VPS36: variants seen among roughly 807,000 people sequenced by gnomAD.
The protein encoded by VPS36 is vacuolar protein-sorting-associated protein 36.
VPS36 carries 31 observed loss-of-function variants against 63.5 expected under a neutral mutation model. The ratio of observed to expected loss-of-function variants is 0.49; its 90% CI spans 0.37 to 0.66. The LOEUF (loss-of-function observed/expected upper bound fraction) is 0.66. Among genes scored for constraint, VPS36 ranks in the 30% least tolerant of loss-of-function variants. The pLI, the probability that VPS36 is intolerant of heterozygous loss-of-function variation, is 0.00. For missense variants in VPS36, 338 were observed against 463.7 expected (o/e 0.73, Z 2.49); for synonymous variants, 138 against 157.2 (o/e 0.88, Z 0.91).
Position 52,436,405 on chromosome 13 carries a change from C to G in VPS36, c.237-1G>C. On this transcript the variant is annotated splice_acceptor_variant, in intron 3 of 13. Transcript: ENST00000378060. LOFTEE classifies it high-confidence loss of function. ...GTGAAGATGAACCACTATTTTGGCA[C>G]TGAAGAAAGAACAAATGTAATATAT... is the stretch of plus-strand genomic sequence containing the variant. The G allele has an allele frequency of 6.3e-7, 1 of 1,598,924 alleles. No homozygotes were observed.
intron 10 of VPS36, 27 bp from the exon 11 acceptor site, chr13:52,418,083 G>C (rs570575772): frequency 6.3e-7 from 1 of 1,577,932 alleles, no homozygotes; most frequent in South Asian, 1.1e-5. Flanking sequence ...ATCCAGTAAT[G>C]CTATACAATG....
chr13:52,434,444 C>T (rs536246813), intron 5 of VPS36, among the ~76,000 whole-genome samples: 5 of 152,292 alleles, frequency 3.3e-5, no homozygotes, highest in Admixed American at 1.3e-4. Flanking sequence ...CAGCAACCTC[C>T]GCCTCCTGGG....
chr13:52,417,447 G>A (rs892123609), intron 11 of VPS36, among the ~76,000 whole-genome samples: 25 of 152,026 alleles, frequency 1.6e-4, no homozygotes, highest in Non-Finnish European at 2.8e-4. Context: ...CGCAACCTCC[G>A]CCTCCCGGGT....
intron 1 of VPS36, among the ~76,000 whole-genome samples, chr13:52,449,327 G>C (rs1269273659): frequency 6.6e-6 from 1 of 152,172 alleles, no homozygotes; most frequent in Non-Finnish European, 1.5e-5. Flanking sequence ...GATAGAGCGA[G>C]ACTCTGTCTC....
intron 1 of VPS36, among the ~76,000 whole-genome samples, chr13:52,443,596 T>C (rs1225115283): frequency 6.6e-6 from 1 of 152,216 alleles, no homozygotes; most frequent in African/African-American, 2.4e-5. Context: ...TCCAGAACTA[T>C]GAGAAATAAA....
chr13:52,449,664 T>G (rs1227155950), intron 1 of VPS36, among the ~76,000 whole-genome samples: 3 of 152,236 alleles, frequency 2.0e-5, no homozygotes, highest in Non-Finnish European at 4.4e-5. Flanking sequence ...TTTTAAAATT[T>G]TTCTAATTCC....
intron 10 of VPS36, among the ~76,000 whole-genome samples, chr13:52,422,208 T>C (rs1958054151): frequency 2.6e-5 from 4 of 152,170 alleles, no homozygotes; most frequent in African/African-American, 9.7e-5. Flanking sequence ...AGTGAGAACA[T>C]GCAATATTTG....
chr13:52,427,430 C>T (rs1270987991), intron 6 of VPS36, among the ~76,000 whole-genome samples: 5 of 152,076 alleles, frequency 3.3e-5, no homozygotes, highest in East Asian at 1.9e-4. Context: ...ACGGTGAAAC[C>T]CCGTCTCTAC....
chr13:52,431,762 CAAAAAAA>C (rs60968712), intron 6 of VPS36, among the ~76,000 whole-genome samples: 5 of 68,088 alleles, frequency 7.3e-5, no homozygotes, highest in African/African-American at 2.1e-4. Context: ...GACTCTGTCT[CAAAAAAA>C]AAAAAAAAAA....
At chr13:52,444,260 A>G (rs528061299) in intron 1 of VPS36, among the ~76,000 whole-genome samples, 106 of 152,202 alleles carry the variant, frequency 7.0e-4, no homozygotes, top group Admixed American at 2.0e-3. Flanking sequence ...GATCGAGACC[A>G]TCCTGGCTAA....
chr13:52,433,128 T>C (rs1958177097), intron 6 of VPS36, among the ~76,000 whole-genome samples: 1 of 152,176 alleles, frequency 6.6e-6, no homozygotes, highest in Non-Finnish European at 1.5e-5. Context: ...TCTTTCCCCT[T>C]CTCTTGAATT....
At chr13:52,448,388 T>G (rs1347197092) in intron 1 of VPS36, among the ~76,000 whole-genome samples, 3 of 152,098 alleles carry the variant, frequency 2.0e-5, no homozygotes, top group Admixed American at 6.5e-5. Flanking sequence ...CCCCCAGGAG[T>G]CAGCCTGTGC....
At chr13:52,423,400 T>C (rs1032416870) in intron 10 of VPS36, among the ~76,000 whole-genome samples, 174 bp downstream of exon 10, 1 of 152,144 alleles carries the variant, frequency 6.6e-6, no homozygotes, top group African/African-American at 2.4e-5. Flanking sequence ...CAAATCACTA[T>C]CAAAACCAGG....
At chr13:52,443,684 G>C (rs1183528859) in intron 1 of VPS36, among the ~76,000 whole-genome samples, 1 of 152,144 alleles carries the variant, frequency 6.6e-6, no homozygotes, top group African/African-American at 2.4e-5. Context: ...CTTTGAGTAT[G>C]TATCACCTAT....
At chr13:52,424,575 G>T (rs563787472) in intron 9 of VPS36, among the ~76,000 whole-genome samples, 54 of 152,172 alleles carry the variant, frequency 3.5e-4, no homozygotes, top group Non-Finnish European at 5.7e-4. Context: ...GGGGTGGGAG[G>T]TAAGAGGCAG....
At chr13:52,447,974 A>G (rs1228981669) in intron 1 of VPS36, among the ~76,000 whole-genome samples, 1 of 152,172 alleles carries the variant, frequency 6.6e-6, no homozygotes, top group African/African-American at 2.4e-5. Context: ...TCATTCAGTA[A>G]AATACCTCAT....
chr13:52,417,062 C>T lies in VPS36; in HGVS notation c.985G>A (p.Glu329Lys), dbSNP rs1367291453. The part of the protein sequence containing the change: ...KEEEMVASAL[E>K]TVSEKGSLTS... ...AGAAAATCGGCTTCACATACTGTCT[C>T]CAGGGCCGAGGCCACCATTTCCTCT... The change falls in exon 12 of 14, where the codon GAG (glutamate) becomes AAG (lysine). Residue 329 changes from glutamate (E) to lysine (K), a missense_variant. Glu to Lys is a moderately conservative substitution (Grantham distance 56). Coordinates refer to ENST00000378060, the MANE Select transcript of VPS36 (RefSeq NM_016075.4). 1 of 1,613,798 alleles carries T rather than the reference C, an allele frequency of 6.2e-7. No homozygotes were observed. Among genetic ancestry groups the T allele is most frequent in the Non-Finnish European group, 8.5e-7 (1 of 1,179,908 alleles).
rs149062683 is a variant in VPS36, at chr13:52,431,087, C to T, written c.528+2575G>A. On this transcript the variant is annotated intron_variant, in intron 6 of 13. Coordinates refer to ENST00000378060, the MANE Select transcript of VPS36 (RefSeq NM_016075.4). ...AGGCTTCAGACAACCAAAGCGACCA[C>T]AGAGAGCTCAGCATAAGGACTAGTG... 3.2e-3 allele frequency among the ~76,000 whole-genome samples: 493 copies of T among 152,114 alleles called. 3 individuals are homozygous for T. Among genetic ancestry groups the T allele is most frequent in the African/African-American group, 0.011 (444 of 41,496 alleles).
rs114612082 is a variant in VPS36, at chr13:52,416,278, A to C, written c.991-185T>G. 513 of 618,234 alleles carry C rather than the reference A, an allele frequency of 8.3e-4. 4 individuals are homozygous for C. In the African/African-American group the frequency reaches 8.5e-3, roughly 10 times the overall value. 38.3% of individuals were successfully genotyped at this position (618,234 alleles called of 1,614,324 possible). A position where few individuals can be genotyped will look rare whatever the true frequency, so the allele number is the denominator to read the frequency against. ...AATTTTAACTAATGCTTAATCCTACAAAAGTTGAAGTACCCAGAAGAGACA... is the reference window on the plus strand; with the variant it reads ...AATTTTAACTAATGCTTAATCCTACCAAAGTTGAAGTACCCAGAAGAGACA... On this transcript the variant is annotated intron_variant, in intron 12 of 13. Coordinates refer to ENST00000378060, the MANE Select transcript of VPS36 (RefSeq NM_016075.4).
Sources: gnomAD v4.1 joint callset for allele counts (sites outside exome capture counted in the v4.1 genomes callset) on GRCh38, gnomAD v4.1.1 for gene constraint, MANE v1.5 for transcripts, NCBI Gene and HGNC (gene_info 2026-07-23, HGNC 2026-07-21) for gene names.